The following TMEM67 variants were observed in gnomAD, a reference collection of about 807,000 sequenced individuals.
TMEM67 encodes the protein transmembrane protein 67.
In TMEM67, 124 loss-of-function variants were observed where a neutral mutation model predicts 136.6. The observed-to-expected ratio is 0.91, with a 90% CI of 0.78 to 1.05. The LOEUF is 1.05. Among genes scored for constraint, TMEM67 ranks in the 50% least tolerant of loss-of-function variants. TMEM67 has a pLI of 0.00. For missense variants in TMEM67, 1,107 were observed against 1,178.4 expected (o/e 0.94, Z 0.89); for synonymous variants, 364 against 390.5 (o/e 0.93, Z 0.80).
intron 2 of TMEM67, among the ~76,000 whole-genome samples, chr8:93,757,841 A>G (rs1283865870): frequency 1.3e-5 from 2 of 151,306 alleles, no homozygotes. Context: ...GCTCACTGCA[A>G]CCTCCACCTT....
chr8:93,797,139 A>G lies in TMEM67; in HGVS notation c.1866A>G (p.Leu622=), dbSNP rs1586070328. ...TTATTATATGTCATTCTCAGGCACT[A>G]CAATTTTTGCATAAGCTCATATCCC... The part of the protein sequence containing the change: ...YVGCAFALKA[L]QFLHKLISQI... Residue 622 remains leucine, a synonymous_variant, in exon 19 of 28, where the codon CTA becomes CTG. Transcript: ENST00000453321. The G allele has an allele frequency of 1.2e-6, 2 of 1,601,330 alleles. No homozygotes were observed. Among genetic ancestry groups the G allele is most frequent in the Non-Finnish European group, 8.6e-7 (1 of 1,169,086 alleles).
At chr8:93,830,508 C>T in the TMEM67 span, among the ~76,000 whole-genome samples, 3 of 152,076 alleles carry the variant, frequency 2.0e-5, no homozygotes, top group Admixed American at 6.6e-5. Flanking sequence ...GCCCTCAACC[C>T]GTGGGATCTG....
At chr8:93,788,053 C>CAGTT in intron 14 of TMEM67, 104 bp downstream of exon 14, 1 of 801,160 alleles carries the variant, frequency 1.2e-6, no homozygotes. Flanking sequence ...TTTTTAAGTT[C>CAGTT]TAAATAAACC....
chr8:93,794,727 A>G (rs1586066003), intron 16 of TMEM67: 1 of 153,630 alleles, frequency 6.5e-6, no homozygotes, highest in Non-Finnish European at 1.4e-5. Flanking sequence ...TGTTCATTCT[A>G]TAATAGTCAC....
At chr8:93,799,869 A>G (rs547568148) in intron 21 of TMEM67, 111 bp downstream of exon 21, 1 of 965,818 alleles carries the variant, frequency 1.0e-6, no homozygotes, top group Non-Finnish European at 1.6e-6. Flanking sequence ...CTGTAGCAGA[A>G]AGAAGGTGAC....
intron 21 of TMEM67, among the ~76,000 whole-genome samples, chr8:93,800,837 T>G (rs1168050644): frequency 1.3e-5 from 2 of 152,210 alleles, no homozygotes; most frequent in African/African-American, 4.8e-5. Flanking sequence ...AATATGTTCT[T>G]TTCTTTTGAA....
In TMEM67 at chr8:93,772,707, A is replaced by G. The variant is rs144929045; in HGVS notation, c.714+56A>G. ...TTTATTTTGAAGAATTATACCATTT[A>G]TTTACCCAGATAATAAAAGTTTTAT... is the stretch of plus-strand genomic sequence containing the variant. On this transcript the variant is annotated intron_variant, in intron 7 of 27. Transcript: ENST00000453321. The G allele has an allele frequency of 6.2e-5, 82 of 1,330,038 alleles. No homozygotes were observed. The African/African-American group carries it at 1.2e-3, about 19-fold the overall frequency. The allele number at this position is 1,330,038 out of a possible 1,614,324, so 82.4% of individuals were successfully genotyped here.
chr8:93,773,977 A>C (rs1419759099), intron 7 of TMEM67, among the ~76,000 whole-genome samples: 2 of 152,168 alleles, frequency 1.3e-5, no homozygotes, highest in African/African-American at 4.8e-5. Context: ...AGGTTTTAAC[A>C]AGCAAAAGAA....
At chr8:93,808,616 A>G (rs1808561041) in intron 23 of TMEM67, among the ~76,000 whole-genome samples, 1 of 110,432 alleles carries the variant, frequency 9.1e-6, no homozygotes, top group Non-Finnish European at 2.0e-5. Context: ...AGATGATATA[A>G]AGACCTGCAA....
chr8:93,806,088 G>T (rs1815136669), intron 23 of TMEM67, among the ~76,000 whole-genome samples: 1 of 152,158 alleles, frequency 6.6e-6, no homozygotes, highest in Non-Finnish European at 1.5e-5. Context: ...GAAGTAATTA[G>T]CCAGGTCTGG....
chr8:93,775,037 A>G (rs1422068777), intron 7 of TMEM67, among the ~76,000 whole-genome samples: 2 of 152,094 alleles, frequency 1.3e-5, no homozygotes, highest in Non-Finnish European at 2.9e-5. Flanking sequence ...TAACTTTTTA[A>G]TGATCACCAT....
chr8:93,762,262 A>G (rs1812878086), intron 3 of TMEM67, among the ~76,000 whole-genome samples: 1 of 152,158 alleles, frequency 6.6e-6, no homozygotes, highest in South Asian at 2.1e-4. Context: ...CAAAAAATAA[A>G]ATAAAATAAA....
Position 93,795,332 on chromosome 8 carries a change from ATAAAAGTGGTAGTGTTAC to A in TMEM67, c.1675-65_1675-48del, listed in dbSNP as rs1179938273. 23 of 1,140,510 alleles carry A rather than the reference ATAAAAGTGGTAGTGTTAC, an allele frequency of 2.0e-5. No homozygotes were observed. The South Asian group carries it at 2.2e-4, about 11-fold the overall frequency. The allele number at this position is 1,140,510 out of a possible 1,614,324, so 70.6% of individuals were successfully genotyped here. On this transcript the variant is annotated intron_variant, in intron 16 of 27. Coordinates refer to ENST00000453321, the MANE Select transcript of TMEM67 (RefSeq NM_153704.6). ...GCTTAAGAAATGGAGTGGATGATGTATAAAAGTGGTAGTGTTACTAAAAGTGGTATATACATGGAGTCT... is the reference window on the plus strand; with the variant it reads ...GCTTAAGAAATGGAGTGGATGATGTATAAAAGTGGTATATACATGGAGTCT...
intron 22 of TMEM67, 132 bp downstream of exon 22, chr8:93,803,816 C>G: frequency 1.5e-6 from 1 of 671,738 alleles, no homozygotes; most frequent in African/African-American, 1.8e-5. Flanking sequence ...GTTGTTAATT[C>G]CAGAGATAAT....
intron 3 of TMEM67, among the ~76,000 whole-genome samples, chr8:93,761,016 A>G (rs1327464373): frequency 1.3e-5 from 2 of 152,224 alleles, no homozygotes; most frequent in Non-Finnish European, 2.9e-5. Context: ...AGATTTTATT[A>G]TAAAATTTTT....
Position 93,816,621 on chromosome 8 carries a change from TAATAGAA to T in TMEM67, c.*174_*180del. 1 of 480,052 alleles carries T rather than the reference TAATAGAA, an allele frequency of 2.1e-6. No individual in the cohort carries two copies. Among genetic ancestry groups the T allele is most frequent in the Non-Finnish European group, 3.8e-6 (1 of 263,366 alleles). The allele number at this position is 480,052 out of a possible 1,614,324, so 29.7% of individuals were successfully genotyped here. A position where few individuals can be genotyped will look rare whatever the true frequency, so the allele number is the denominator to read the frequency against. On this transcript the variant is annotated 3_prime_UTR_variant, in exon 28 of 28. Transcript: ENST00000453321. ...TAACTTGGGAATATATAACCTGATA[TAATAGAA>T]AATACTGTTTTCCCATTGTGTGTAG...
intron 26 of TMEM67, among the ~76,000 whole-genome samples, chr8:93,810,403 A>G (rs1396276472): frequency 6.6e-6 from 1 of 151,652 alleles, no homozygotes; most frequent in Admixed American, 6.6e-5. Flanking sequence ...CAACATGGTG[A>G]AACCCGTCTT....
downstream of TMEM67, among the ~76,000 whole-genome samples, chr8:93,820,547 G>A (rs969732512): frequency 6.6e-6 from 1 of 152,152 alleles, no homozygotes; most frequent in Admixed American, 6.5e-5. Context: ...GAGCCAGATT[G>A]GCCTGTGTTC....
At position 93,780,994 on chromosome 8, in the gene TMEM67, T is replaced by C. The variant is rs2130664875; in HGVS notation, c.978+12T>C. On this transcript the variant is annotated intron_variant, in intron 9 of 27. Transcript: ENST00000453321. Reference sequence around the variant, plus strand: ...AAGGAGAAAACCAGGTAAAAGTGTCTAATATCATTAGAGGATAACTACATT... The same window carrying C: ...AAGGAGAAAACCAGGTAAAAGTGTCCAATATCATTAGAGGATAACTACATT... 3 of 1,424,148 alleles carry C rather than the reference T, an allele frequency of 2.1e-6. No homozygotes were observed. The highest frequency in any genetic ancestry group is 2.0e-6 in the Non-Finnish European group (2 of 1,008,428). The allele number at this position is 1,424,148 out of a possible 1,614,324, so 88.2% of individuals were successfully genotyped here. A position where few individuals can be genotyped will look rare whatever the true frequency, so the allele number is the denominator to read the frequency against.
Sources: allele counts gnomAD v4.1 joint callset (sites outside exome capture counted in the v4.1 genomes callset), GRCh38; gene constraint gnomAD v4.1.1; transcripts MANE v1.5; gene names NCBI Gene and HGNC (gene_info 2026-07-23, HGNC 2026-07-21).